The following PITX1 variants were observed in gnomAD, a reference collection of about 807,000 sequenced individuals.
PITX1 encodes paired like homeodomain 1.
PITX1 carries 5 observed loss-of-function variants against 24.1 expected under a neutral mutation model. That is an observed-to-expected ratio of 0.21 (90% CI 0.11 to 0.44). PITX1 has a LOEUF of 0.44. Ranked by LOEUF, PITX1 falls within the 20% of genes least tolerant of loss-of-function variation. The probability of loss-of-function intolerance (pLI) is 0.99; values close to 1 mark genes in which losing one functional copy is unlikely to be tolerated. For synonymous variants in PITX1, 213 were observed against 208.9 expected (o/e 1.02, Z -0.17); for missense variants, 401 against 455.4 (o/e 0.88, Z 1.09).
intron 2 of PITX1, 86 bp from the exon 3 acceptor site, chr5:135,029,407 C>G: frequency 9.0e-7 from 1 of 1,107,302 alleles, no homozygotes; most frequent in South Asian, 1.5e-5. Context: ...AGCCTTCCGT[C>G]GGCCCGCTGC....
chr5:135,030,549 A>T (rs1752429931), intron 2 of PITX1, among the ~76,000 whole-genome samples: 1 of 152,204 alleles, frequency 6.6e-6, no homozygotes, highest in South Asian at 2.1e-4. Context: ...CTACCCTGGC[A>T]GGAAAGCCTT....
Position 135,033,865 on chromosome 5 carries a change from C to T in PITX1, c.17G>A (p.Gly6Glu), listed in dbSNP as rs1256022922. The change falls in exon 1 of 3, where the codon GGG becomes GAG. Residue 6 changes from glycine (G) to glutamate (E), a missense_variant. This residue lies in a region of PITX1 where 136 missense variants were observed against 133.3 expected (regional missense o/e 1.02). Transcript: ENST00000265340. This position sits in a 1 kb window ranked among gnomAD's most constrained non-coding sequence, Gnocchi z 5.9. ...CGGCAGCCGCTCCAGGCTCATGCCC[C>T]CCTTGAAGGCGTCCATGGAGGTGGG... MDAFK[G>E]GMSLERLPEG... The T allele has an allele frequency of 2.0e-6, 3 of 1,463,908 alleles. No individual in the cohort carries two copies. Among genetic ancestry groups the T allele is most frequent in the East Asian group, 2.8e-5 (1 of 35,438 alleles). 90.7% of individuals were successfully genotyped at this position (1,463,908 alleles called of 1,614,324 possible).
At position 135,034,028 on chromosome 5, in the gene PITX1, A is replaced by C; in HGVS notation, c.-147T>G. ...CCTGCAGCGACGCCGTGCCCGCCCC[A>C]TGGACCGCCCGGGGCTGCGGCGCCG... is the stretch of plus-strand genomic sequence containing the variant. On this transcript the variant is annotated 5_prime_UTR_variant, in exon 1 of 3. It removes an upstream start codon present in the reference 5' UTR. Transcript: ENST00000265340. The C allele has an allele frequency of 1.9e-5, 6 of 322,336 alleles. No homozygotes were observed. Among genetic ancestry groups the C allele is most frequent in the Non-Finnish European group, 3.1e-5 (6 of 195,206 alleles). The allele number at this position is 322,336 out of a possible 1,614,324, so 20.0% of individuals were successfully genotyped here.
Position 135,033,669 on chromosome 5 carries a change from G to T in PITX1, c.169+44C>A. ...CTGCTCCCAGCTCCCCGTGCTCCGC[G>T]CCCGGGTAGGCTCTGTGCGCGCCGC... On this transcript the variant is annotated intron_variant, in intron 1 of 2. Coordinates refer to ENST00000265340, the MANE Select transcript of PITX1 (RefSeq NM_002653.5). The surrounding 1 kb of genome is among the most constrained non-coding windows in gnomAD (Gnocchi z 5.9). 6.3e-7 allele frequency: 1 copy of T among 1,581,204 alleles called. No individual in the cohort carries two copies. Among genetic ancestry groups the T allele is most frequent in the Non-Finnish European group, 8.6e-7 (1 of 1,169,322 alleles).
In PITX1 at chr5:135,033,521, G is replaced by A; in HGVS notation, c.169+192C>T. ...GTCTCTTGGCGCGTGGGGACCGCGTGGAAGTGCCTTCGCGTGTGCGTAAGT... is the reference window on the plus strand; with the variant it reads ...GTCTCTTGGCGCGTGGGGACCGCGTAGAAGTGCCTTCGCGTGTGCGTAAGT... On this transcript the variant is annotated intron_variant, in intron 1 of 2. Coordinates refer to ENST00000265340, the MANE Select transcript of PITX1 (RefSeq NM_002653.5). The surrounding 1 kb of genome is among the most constrained non-coding windows in gnomAD (Gnocchi z 5.9). 2 of 614,774 alleles carry A rather than the reference G, an allele frequency of 3.3e-6. No individual in the cohort carries two copies. The highest frequency in any genetic ancestry group is 5.6e-6 in the Non-Finnish European group (2 of 354,450). 38.1% of individuals were successfully genotyped at this position (614,774 alleles called of 1,614,324 possible).
At chr5:135,030,997 G>T (rs1429201657) in intron 2 of PITX1, among the ~76,000 whole-genome samples, 1 of 152,216 alleles carries the variant, frequency 6.6e-6, no homozygotes, top group African/African-American at 2.4e-5. Context: ...TAGGGCATGG[G>T]GGAGTCCCCT....
At chr5:135,034,405 G>GCCTCGC (rs1464856061), upstream of PITX1, 7 of 135,486 alleles carry the variant, frequency 5.2e-5, no homozygotes, top group East Asian at 4.3e-4. Context: ...CTCCCTCCCT[G>GCCTCGC]CCTCGCCCGC....
chr5:135,029,117 T>C lies in PITX1; in HGVS notation c.607A>G (p.Asn203Asp). The C allele has an allele frequency of 2.5e-6, 4 of 1,614,192 alleles. No individual in the cohort carries two copies. The highest frequency in any genetic ancestry group is 3.4e-6 in the Non-Finnish European group (4 of 1,180,030). ...PLSTKSFTFF[N>D]SMSPLSSQSM... ...TGCGACGACAGCGGGCTCATGGAGT[T>C]GAAGAAGGTGAAGCTCTTGGTGGAG... Residue 203 changes from asparagine to aspartate, a missense_variant, in exon 3 of 3, where the codon AAC becomes GAC. This residue lies in a region of PITX1 where 217 missense variants were observed against 219.8 expected (regional missense o/e 0.99). Transcript: ENST00000265340.
rs1561470318 is a variant in PITX1, at chr5:135,028,548, G to GTTTTTTT, written c.*230_*231insAAAAAAA. 14 of 124,712 alleles carry GTTTTTTT rather than the reference G, an allele frequency of 1.1e-4. No homozygotes were observed. The highest frequency in any genetic ancestry group is 2.0e-4 in the Non-Finnish European group (13 of 65,908). The allele number at this position is 124,712 out of a possible 1,614,324, so 7.7% of individuals were successfully genotyped here. ...CGGCACTTTTCTCCGACGTCTTTTTGCTTTTTTTTTTTTTTTTTTTTTTTT... is the reference window on the plus strand; with the variant it reads ...CGGCACTTTTCTCCGACGTCTTTTTGTTTTTTTCTTTTTTTTTTTTTTTTTTTTTTTT... On this transcript the variant is annotated 3_prime_UTR_variant, in exon 3 of 3. Coordinates refer to ENST00000265340, the MANE Select transcript of PITX1 (RefSeq NM_002653.5).
chr5:135,030,934 C>G (rs766102824), intron 2 of PITX1, among the ~76,000 whole-genome samples: 1 of 152,202 alleles, frequency 6.6e-6, no homozygotes, highest in East Asian at 1.9e-4. Context: ...AATCCACTGC[C>G]CAGTCTCTGG....
At position 135,034,101 on chromosome 5, in the gene PITX1, G is replaced by C. The variant is rs1752521097; in HGVS notation, c.-220C>G. ...TTCTCGCGACTGGGCGCCTGGCTCAGCGCTCCGCGCTGCGCTCCTGCCGCT... is the reference window on the plus strand; with the variant it reads ...TTCTCGCGACTGGGCGCCTGGCTCACCGCTCCGCGCTGCGCTCCTGCCGCT... On this transcript the variant is annotated 5_prime_UTR_variant, in exon 1 of 3. Coordinates refer to ENST00000265340, the MANE Select transcript of PITX1 (RefSeq NM_002653.5). 6.0e-6 allele frequency: 1 copy of C among 166,538 alleles called. No individual in the cohort carries two copies. Among genetic ancestry groups the C allele is most frequent in the Non-Finnish European group, 1.3e-5 (1 of 78,454 alleles). 10.3% of individuals were successfully genotyped at this position (166,538 alleles called of 1,614,324 possible). A position where few individuals can be genotyped will look rare whatever the true frequency, so the allele number is the denominator to read the frequency against.
At chr5:135,031,192 T>TG in intron 2 of PITX1, 84 bp downstream of exon 2, 1 of 995,272 alleles carries the variant, frequency 1.0e-6, no homozygotes, top group Non-Finnish European at 1.6e-6. Context: ...GTTCTGCTTG[T>TG]GGGTCTAAGC....
chr5:135,029,047 G>A lies in PITX1; in HGVS notation c.677C>T (p.Pro226Leu), dbSNP rs763006479. Residue 226 changes from proline to leucine, a missense_variant, in exon 3 of 3, where the codon CCG becomes CTG. Around this residue, in one of 3 missense-constraint regions of PITX1, gnomAD observed 217 missense variants for 219.8 expected, o/e 0.99. Coordinates refer to ENST00000265340, the MANE Select transcript of PITX1 (RefSeq NM_002653.5). ...APSSISSMTMPSSMGPGAVPG... is the reference protein window; with the variant it reads ...APSSISSMTMLSSMGPGAVPG... ...CACGGCGCCTGGGCCCATGCTGGAC[G>A]GCATGGTCATGGAGGAGATGGAGCT... 6.2e-7 allele frequency: 1 copy of A among 1,614,220 alleles called. No individual in the cohort carries two copies. Among genetic ancestry groups the A allele is most frequent in the Non-Finnish European group, 8.5e-7 (1 of 1,180,036 alleles).
intron 2 of PITX1, among the ~76,000 whole-genome samples, chr5:135,029,611 C>T (rs1210590139): frequency 6.6e-6 from 1 of 152,236 alleles, no homozygotes; most frequent in Admixed American, 6.5e-5. Context: ...CCTCTCTCAA[C>T]CAGTTCACCT....
intron 2 of PITX1, 84 bp from the exon 3 acceptor site, chr5:135,029,405 G>T (rs915816894): frequency 4.4e-6 from 5 of 1,149,024 alleles, no homozygotes; most frequent in Non-Finnish European, 6.2e-6. Flanking sequence ...GGAGCCTTCC[G>T]TCGGCCCGCT....
At chr5:135,029,427 G>A (rs1379526048) in intron 2 of PITX1, 106 bp from the exon 3 acceptor site, 4 of 883,292 alleles carry the variant, frequency 4.5e-6, no homozygotes, top group East Asian at 2.4e-5. Flanking sequence ...CCCTCCGAAC[G>A]TCGTTTCTCT....
In PITX1 at chr5:135,033,115, G is replaced by C; in HGVS notation, c.169+598C>G. On this transcript the variant is annotated intron_variant, in intron 1 of 2. Transcript: ENST00000265340. The surrounding 1 kb of genome is among the most constrained non-coding windows in gnomAD (Gnocchi z 5.9). Reference sequence around the variant, plus strand: ...TGCTCCGGGCTTCGGCCGCGCACGTGGGCCGGATCCCTTGATCGGCGTTCC... The same window carrying C: ...TGCTCCGGGCTTCGGCCGCGCACGTCGGCCGGATCCCTTGATCGGCGTTCC... The C allele has an allele frequency of 2.7e-6, 1 of 372,882 alleles. No individual in the cohort carries two copies. The highest frequency in any genetic ancestry group is 2.3e-5 in the African/African-American group (1 of 44,352). 23.1% of individuals were successfully genotyped at this position (372,882 alleles called of 1,614,324 possible).
In PITX1 at chr5:135,031,480, C is replaced by A. The variant is rs547969651; in HGVS notation, c.198G>T (p.Gly66=). Residue 66 remains glycine, a synonymous_variant, in exon 2 of 3, where the codon GGG becomes GGT. Transcript: ENST00000265340. ...TGCCTCCCGCACCACTGTCCTCGGG[C>A]CCCTTGGGTTCCCCGCCGCGCTCCT... ...PEKERGGEPK[G]PEDSGAGGTG... 13 of 1,613,000 alleles carry A rather than the reference C, an allele frequency of 8.1e-6. No individual in the cohort carries two copies. In the South Asian group the frequency reaches 1.1e-4, roughly 14 times the overall value.
intron 2 of PITX1, 63 bp from the exon 3 acceptor site, chr5:135,029,384 C>G (rs982525822): frequency 2.2e-6 from 3 of 1,382,760 alleles, no homozygotes; most frequent in Non-Finnish European, 3.0e-6. Context: ...CCACCCCCTT[C>G]CCCACCGCCT....
Sources: allele counts gnomAD v4.1 joint callset (sites outside exome capture counted in the v4.1 genomes callset), GRCh38; gene constraint gnomAD v4.1.1; regional missense constraint gnomAD v4.1.1; non-coding constraint Gnocchi (gnomAD v3.1); transcripts MANE v1.5; gene names NCBI Gene and HGNC (gene_info 2026-07-23, HGNC 2026-07-21).